The following CSMD1 variants were observed in gnomAD, a reference collection of about 807,000 sequenced individuals.
CSMD1 encodes CUB and sushi domain-containing protein 1.
A neutral mutation model predicts 417.5 loss-of-function variants in CSMD1; 213 were observed. That is an observed-to-expected ratio of 0.51 (90% confidence interval 0.46 to 0.57). The LOEUF (loss-of-function observed/expected upper bound fraction) is 0.57. CSMD1 is among the 20% of genes least tolerant of loss of function. The probability of loss-of-function intolerance (pLI) is 0.00; values close to 1 mark genes in which losing one functional copy is unlikely to be tolerated. For synonymous variants in CSMD1, 2,862 were observed against 1,736.8 expected, an observed-to-expected ratio of 1.65 and a Z score of -16.11; for missense variants, 6,923 against 4,529.7, an observed-to-expected ratio of 1.53 and a Z score of -15.17.
rs532030197 is a variant in CSMD1 at position 4,426,176 on chromosome 8, G to A, written c.303-6111C>T. Among the ~76,000 whole-genome samples, 14 of 151,780 alleles carry A rather than the reference G, an allele frequency of 9.2e-5. 1 individual carries two copies. The highest frequency in any genetic ancestry group is 3.4e-4 in the African/African-American group (14 of 41,446). On this transcript the variant is annotated intron_variant, in intron 2 of 69. Transcript: ENST00000635120. ...GCATATACAGAGGCTAGGTAATCAGGAAATAGACTGGAATCTGTGAATTAA... is the reference window on the plus strand; with the variant it reads ...GCATATACAGAGGCTAGGTAATCAGAAAATAGACTGGAATCTGTGAATTAA...
intron 5 of CSMD1, among the ~76,000 whole-genome samples, chr8:3,906,791 A>G (rs985446858): frequency 1.3e-5 from 2 of 152,352 alleles, no homozygotes; most frequent in East Asian, 3.9e-4. Flanking sequence ...TTGAACATAT[A>G]TACAGACAAA....
intron 6 of CSMD1, among the ~76,000 whole-genome samples, chr8:3,740,347 C>G (rs1211272526): frequency 6.6e-6 from 1 of 152,156 alleles, no homozygotes; most frequent in African/African-American, 2.4e-5. Context: ...CTCAAATGAT[C>G]CGCCTTCCTT....
At chr8:3,061,625 A>G (rs1812595157) in intron 49 of CSMD1, among the ~76,000 whole-genome samples, 1 of 152,168 alleles carries the variant, frequency 6.6e-6, no homozygotes, top group Non-Finnish European at 1.5e-5. Flanking sequence ...CGATCCATAT[A>G]CAATAAAGCA....
rs975687802 is a variant in CSMD1 at position 3,581,943 on chromosome 8, T to A, written c.1222+4193A>T. On this transcript the variant is annotated intron_variant, in intron 9 of 69. Transcript: ENST00000635120. The stretch of plus-strand genomic sequence containing the variant: ...CCTCAGCCTCCCGAGTAGCTGGGAT[T>A]ATAGGCATGCACCAGCATGTCTAGC... 2.6e-5 allele frequency among the ~76,000 whole-genome samples: 4 copies of A among 152,164 alleles called. No individual in the cohort carries two copies. In the East Asian group the frequency reaches 5.8e-4, roughly 22 times the overall value.
At chr8:3,968,327 G>A (rs550242694) in intron 5 of CSMD1, among the ~76,000 whole-genome samples, 1 of 152,122 alleles carries the variant, frequency 6.6e-6, no homozygotes, top group Non-Finnish European at 1.5e-5. Context: ...TGCCTGGACA[G>A]AGGGCTATAA....
chr8:4,812,674 A>G lies in CSMD1; in HGVS notation c.86-175116T>C, dbSNP rs1022378247. Among the ~76,000 whole-genome samples the G allele has an allele frequency of 7.9e-5, 12 of 152,326 alleles. No homozygotes were observed. The South Asian group carries it at 1.7e-3, about 21-fold the overall frequency. ...ATTCTTATTCTCTATAATTTAGTCC[A>G]TTAAGCAAATAAAATATGAAAGAAA... On this transcript the variant is annotated intron_variant, in intron 1 of 69. Coordinates refer to ENST00000635120, the MANE Select transcript of CSMD1 (RefSeq NM_033225.6).
intron 3 of CSMD1, among the ~76,000 whole-genome samples, chr8:4,123,345 T>G (rs1248018594): frequency 1.3e-5 from 2 of 152,224 alleles, no homozygotes; most frequent in African/African-American, 4.8e-5. Flanking sequence ...GTAGGCTCAG[T>G]GGGAGCCTCA....
rs562992608 is a variant in CSMD1, at chr8:3,493,712, G to A, written c.1359C>T (p.Ala453=). 1.2e-6 allele frequency: 2 copies of A among 1,610,598 alleles called. No individual in the cohort carries two copies. The highest frequency in any genetic ancestry group is 2.2e-5 in the East Asian group (1 of 44,750). The change falls in exon 11 of 70, where the codon GCC becomes GCT. Residue 453 remains alanine (A), a synonymous_variant. Coordinates refer to ENST00000635120, the MANE Select transcript of CSMD1 (RefSeq NM_033225.6). The stretch of plus-strand genomic sequence containing the variant: ...CTCGCTCCAGCTCAAACTCTTCAAA[G>A]GCAAGCTTGATGACCTAAATACAAG... ...TTDPDKVIKL[A]FEEFELERGY...
intron 3 of CSMD1, among the ~76,000 whole-genome samples, chr8:4,157,202 A>G (rs1796882222): frequency 6.6e-6 from 1 of 152,182 alleles, no homozygotes; most frequent in South Asian, 2.1e-4. Context: ...TATGAAATTT[A>G]CATTTCAGTG....
At chr8:4,758,385 C>A (rs1464622843) in intron 1 of CSMD1, among the ~76,000 whole-genome samples, 1 of 152,102 alleles carries the variant, frequency 6.6e-6, no homozygotes, top group African/African-American at 2.4e-5. Context: ...TGCACCCAAT[C>A]CTGGTAGAAT....
At chr8:3,152,013 G>C (rs1387829739) in intron 39 of CSMD1, among the ~76,000 whole-genome samples, 1 of 152,214 alleles carries the variant, frequency 6.6e-6, no homozygotes, top group Non-Finnish European at 1.5e-5. Flanking sequence ...TTTGCCTAAA[G>C]TGACATGCCT....
intron 18 of CSMD1, among the ~76,000 whole-genome samples, chr8:3,376,716 C>T (rs1249858085): frequency 2.0e-5 from 3 of 152,062 alleles, no homozygotes; most frequent in Non-Finnish European, 2.9e-5. Flanking sequence ...ATGTTAAAAA[C>T]ACACTGAACT....
chr8:4,934,192 G>C (rs1312588482), intron 1 of CSMD1, among the ~76,000 whole-genome samples: 1 of 152,120 alleles, frequency 6.6e-6, no homozygotes, highest in African/African-American at 2.4e-5. Flanking sequence ...GAGGCTGCCT[G>C]AGCTCAGAAG....
At chr8:4,359,750 A>T (rs967317546) in intron 3 of CSMD1, among the ~76,000 whole-genome samples, 8 of 152,158 alleles carry the variant, frequency 5.3e-5, no homozygotes, top group African/African-American at 1.9e-4. Flanking sequence ...TTCTACATTC[A>T]TTCCAAGGGT....
At chr8:3,957,079 CT>C (rs2129940735) in intron 5 of CSMD1, among the ~76,000 whole-genome samples, 1 of 152,186 alleles carries the variant, frequency 6.6e-6, no homozygotes, top group Admixed American at 6.5e-5. Context: ...CCGGGGGAGG[CT>C]CTGTATATGT....
In CSMD1 at chr8:3,664,073, G is replaced by A. The variant is rs190278931; in HGVS notation, c.1009+44341C>T. ...AAACTTTAAGTTCTAGGGTACATGT[G>A]CACAATGTGCACGTTTGTTACATAT... is the stretch of plus-strand genomic sequence containing the variant. On this transcript the variant is annotated intron_variant, in intron 7 of 69. Coordinates refer to ENST00000635120, the MANE Select transcript of CSMD1 (RefSeq NM_033225.6). Among the ~76,000 whole-genome samples the A allele has an allele frequency of 2.8e-3, 433 of 152,248 alleles. 1 individual carries two copies. The highest frequency in any genetic ancestry group is 1.0e-2 in the African/African-American group (415 of 41,542).
intron 5 of CSMD1, among the ~76,000 whole-genome samples, chr8:3,967,779 TA>T (rs1488551068): frequency 6.6e-6 from 1 of 152,066 alleles, no homozygotes; most frequent in Non-Finnish European, 1.5e-5. Context: ...GTGAACTAAC[TA>T]CCTTAATCTA....
At chr8:4,136,867 C>T (rs1714801) in intron 3 of CSMD1, among the ~76,000 whole-genome samples, 149,473 of 152,276 alleles carry the variant, frequency 0.98, 73,423 homozygotes, top group Middle Eastern at 1. Flanking sequence ...TGATTATTTA[C>T]GAATTTCAGA....
chr8:4,552,416 T>C (rs899121449), intron 2 of CSMD1, among the ~76,000 whole-genome samples: 3 of 152,110 alleles, frequency 2.0e-5, no homozygotes, highest in African/African-American at 7.2e-5. Context: ...CTTGCATCCA[T>C]TCCCATCTCC....
Sources: gnomAD v4.1 joint callset for allele counts (sites outside exome capture counted in the v4.1 genomes callset) on GRCh38, gnomAD v4.1.1 for gene constraint, MANE v1.5 for transcripts, NCBI Gene and HGNC (gene_info 2026-07-23, HGNC 2026-07-21) for gene names.